TP53I11: variants seen among roughly 807,000 people sequenced by gnomAD.
TP53I11 encodes the protein tumor protein p53 inducible protein 11, also known as tumor protein p53-inducible protein 11.
A neutral mutation model predicts 23.3 loss-of-function variants in TP53I11; 9 were observed. That is an observed-to-expected ratio of 0.39 (90% CI 0.23 to 0.67). The LOEUF (loss-of-function observed/expected upper bound fraction) is 0.67. Ranked by LOEUF, TP53I11 falls within the 30% of genes least tolerant of loss-of-function variation. The pLI, the probability that TP53I11 is intolerant of heterozygous loss-of-function variation, is 0.48. For missense variants in TP53I11, 170 were observed against 255.2 expected (o/e 0.67, Z 2.27); for synonymous variants, 100 against 106.1 (o/e 0.94, Z 0.35).
chr11:44,936,880 T>C lies in TP53I11; in HGVS notation c.257A>G (p.Gln86Arg), dbSNP rs1406917297. 1.9e-6 allele frequency: 3 copies of C among 1,608,014 alleles called. No homozygotes were observed. Among genetic ancestry groups the C allele is most frequent in the East Asian group, 2.2e-5 (1 of 44,654 alleles). Reference sequence around the variant, plus strand: ...TCCATCAAAGACCGCATCATAGAGCTGGTCAGGGAAGGCAAGCGCCTGCGG... The same window carrying C: ...TCCATCAAAGACCGCATCATAGAGCCGGTCAGGGAAGGCAAGCGCCTGCGG... ...IAIMALAFPD[Q>R]LYDAVFDGAQ... Residue 86 changes from glutamine to arginine, a missense_variant, in exon 5 of 7, where the codon CAG becomes CGG. Transcript: ENST00000525680. The surrounding 1 kb of genome is among the most constrained non-coding windows in gnomAD (Gnocchi z 4.4).
chr11:44,936,122 G>C lies in TP53I11; in HGVS notation c.335-460C>G, dbSNP rs778397610. 29 of 730,102 alleles carry C rather than the reference G, an allele frequency of 4.0e-5. No individual in the cohort carries two copies. Among genetic ancestry groups the C allele is most frequent in the Non-Finnish European group, 4.8e-5 (28 of 588,974 alleles). 45.2% of individuals were successfully genotyped at this position (730,102 alleles called of 1,614,324 possible). On this transcript the variant is annotated intron_variant, in intron 5 of 6. Coordinates refer to ENST00000525680, the MANE Select transcript of TP53I11 (RefSeq NM_006034.5). The surrounding 1 kb of genome is among the most constrained non-coding windows in gnomAD (Gnocchi z 4.4). ...GACTCGCTTTAAGGAAGTCCCCTGG[G>C]GGAGGGGGATGAACCATACTTTTTA...
intron 1 of TP53I11, among the ~76,000 whole-genome samples, chr11:44,942,526 A>G (rs1283284584): frequency 3.3e-5 from 5 of 152,118 alleles, no homozygotes; most frequent in Admixed American, 3.3e-4. Context: ...CTGCAAATCA[A>G]CGGCTGTGGG....
intron 2 of TP53I11, 108 bp from the exon 3 acceptor site, chr11:44,937,721 C>T: frequency 8.4e-7 from 1 of 1,195,394 alleles, no homozygotes; most frequent in East Asian, 2.5e-5. Flanking sequence ...CTGGGCACCT[C>T]AGCTTGGCCA....
Position 44,936,114 on chromosome 11 carries a change from TC to T in TP53I11, c.335-453del. 1.5e-6 allele frequency: 1 copy of T among 664,792 alleles called. No homozygotes were observed. The highest frequency in any genetic ancestry group is 1.9e-6 in the Non-Finnish European group (1 of 529,590). 41.2% of individuals were successfully genotyped at this position (664,792 alleles called of 1,614,324 possible). A position where few individuals can be genotyped will look rare whatever the true frequency, so the allele number is the denominator to read the frequency against. ...CCGGTAAGGACTCGCTTTAAGGAAG[TC>T]CCCTGGGGGAGGGGGATGAACCATA... is the stretch of plus-strand genomic sequence containing the variant. On this transcript the variant is annotated intron_variant, in intron 5 of 6. Coordinates refer to ENST00000525680, the MANE Select transcript of TP53I11 (RefSeq NM_006034.5). The surrounding 1 kb of genome is among the most constrained non-coding windows in gnomAD (Gnocchi z 4.4).
In TP53I11 at chr11:44,937,362, G is replaced by A. The variant is rs368782324; in HGVS notation, c.189-10C>T. 135 of 1,473,838 alleles carry A rather than the reference G, an allele frequency of 9.2e-5. No individual in the cohort carries two copies. The highest frequency in any genetic ancestry group is 6.4e-4 in the Admixed American group (25 of 39,050). The allele number at this position is 1,473,838 out of a possible 1,614,324, so 91.3% of individuals were successfully genotyped here. ...GACGAACTGCCAGACCCTGGGAGGC[G>A]TGGAAAGAAGATCACAGCCCTGCCC... On this transcript the variant is annotated splice_polypyrimidine_tract_variant and intron_variant, in intron 3 of 6. Coordinates refer to ENST00000525680, the MANE Select transcript of TP53I11 (RefSeq NM_006034.5).
chr11:44,937,047 C>T (rs1468119009), intron 4 of TP53I11, 148 bp from the exon 5 acceptor site: 4 of 738,998 alleles, frequency 5.4e-6, no homozygotes, highest in African/African-American at 3.6e-5. Context: ...ATTGTCCCCA[C>T]CCGCCCCCAT....
chr11:44,937,489 G>A (rs1861279168), intron 3 of TP53I11, 66 bp downstream of exon 3: 1 of 1,585,578 alleles, frequency 6.3e-7, no homozygotes, highest in African/African-American at 1.3e-5. Context: ...ATGAGGTGAG[G>A]TCTTATGCAT....
rs1355326487 is a variant in TP53I11 at position 44,933,832 on chromosome 11, G to C, written c.*1052C>G. ...GAGGCAGCCCGGGCTGCACGTGTGG[G>C]GGGCAGCTCACCGGGAAGCAGGCAG... On this transcript the variant is annotated 3_prime_UTR_variant, in exon 7 of 7. Transcript: ENST00000525680. The C allele has an allele frequency of 6.5e-6, 1 of 154,666 alleles. No individual in the cohort carries two copies. The highest frequency in any genetic ancestry group is 1.4e-5 in the Non-Finnish European group (1 of 69,614). 9.6% of individuals were successfully genotyped at this position (154,666 alleles called of 1,614,324 possible).
intron 2 of TP53I11, 88 bp downstream of exon 2, chr11:44,938,119 T>C: frequency 6.8e-7 from 1 of 1,461,840 alleles, no homozygotes; most frequent in South Asian, 1.4e-5. Flanking sequence ...CTCCTGCGGC[T>C]ACCTGGGCCT....
chr11:44,937,232 C>G lies in TP53I11; in HGVS notation c.237+72G>C, dbSNP rs571770026. 1.8e-5 allele frequency: 27 copies of G among 1,536,950 alleles called. No individual in the cohort carries two copies. The African/African-American group carries it at 3.7e-4, about 21-fold the overall frequency. ...CGAGGGGCCAGGATGGAGGAGGCACCTCTGGTGAGCCAGAGAAGGGCTGAG... is the reference window on the plus strand; with the variant it reads ...CGAGGGGCCAGGATGGAGGAGGCACGTCTGGTGAGCCAGAGAAGGGCTGAG... On this transcript the variant is annotated intron_variant, in intron 4 of 6. Transcript: ENST00000525680.
intron 3 of TP53I11, 29 bp downstream of exon 3, chr11:44,937,526 C>T: frequency 1.9e-6 from 3 of 1,612,666 alleles, no homozygotes; most frequent in Non-Finnish European, 2.5e-6. Flanking sequence ...AGGCCTTCCC[C>T]TCCCCCAAAA....
intron 1 of TP53I11, among the ~76,000 whole-genome samples, chr11:44,940,145 C>T (rs994133774): frequency 6.6e-6 from 1 of 152,252 alleles, no homozygotes; most frequent in African/African-American, 2.4e-5. Flanking sequence ...CGTGGCCAGG[C>T]GAGGCTGCCC....
chr11:44,940,676 T>C (rs1241723217), intron 1 of TP53I11: 1 of 152,200 alleles, frequency 6.6e-6, no homozygotes, highest in African/African-American at 2.4e-5. Flanking sequence ...GTGGGTTGTT[T>C]CCAGTTGTTG....
At chr11:44,939,368 T>C (rs1861525517) in intron 1 of TP53I11, 1 of 152,126 alleles carries the variant, frequency 6.6e-6, no homozygotes, top group Non-Finnish European at 1.5e-5. Context: ...TGAATAACGG[T>C]CGTGCCACTT....
At chr11:44,947,631 A>G (rs1190094250) in intron 1 of TP53I11, among the ~76,000 whole-genome samples, 2 of 152,200 alleles carry the variant, frequency 1.3e-5, no homozygotes, top group African/African-American at 2.4e-5. Flanking sequence ...GGCCACAACC[A>G]TAGTCCAGGA....
rs1861070975 is a variant in TP53I11, at chr11:44,936,007, C to CATG, written c.335-348_335-346dup. 2.8e-6 allele frequency: 1 copy of CATG among 362,646 alleles called. No individual in the cohort carries two copies. The highest frequency in any genetic ancestry group is 4.4e-5 in the Admixed American group (1 of 22,954). The allele number at this position is 362,646 out of a possible 1,614,324, so 22.5% of individuals were successfully genotyped here. A position where few individuals can be genotyped will look rare whatever the true frequency, so the allele number is the denominator to read the frequency against. On this transcript the variant is annotated intron_variant, in intron 5 of 6. Coordinates refer to ENST00000525680, the MANE Select transcript of TP53I11 (RefSeq NM_006034.5). The surrounding 1 kb of genome is among the most constrained non-coding windows in gnomAD (Gnocchi z 4.4). ...GGTTCTGTCAGGAGGATGCTGTGTTCATGGAGTTCATGAGTTAATGGGTTA... is the reference window on the plus strand; with the variant it reads ...GGTTCTGTCAGGAGGATGCTGTGTTCATGATGGAGTTCATGAGTTAATGGGTTA...
At chr11:44,945,401 T>C (rs1252755972) in intron 1 of TP53I11, among the ~76,000 whole-genome samples, 1 of 152,080 alleles carries the variant, frequency 6.6e-6, no homozygotes, top group Non-Finnish European at 1.5e-5. Flanking sequence ...TTGAGGTAAG[T>C]GGCAGAGCTG....
At chr11:44,939,705 G>C (rs1479729699) in intron 1 of TP53I11, among the ~76,000 whole-genome samples, 1 of 149,514 alleles carries the variant, frequency 6.7e-6, no homozygotes, top group African/African-American at 2.5e-5. Flanking sequence ...GGATCAACTA[G>C]GGAGGCAGTA....
chr11:44,947,411 T>G (rs558330358), intron 1 of TP53I11, among the ~76,000 whole-genome samples: 1 of 151,994 alleles, frequency 6.6e-6, no homozygotes, highest in East Asian at 1.9e-4. Flanking sequence ...CACCCCACTC[T>G]CCCCATGCCC....
Sources: allele counts gnomAD v4.1 joint callset (sites outside exome capture counted in the v4.1 genomes callset), GRCh38; gene constraint gnomAD v4.1.1; non-coding constraint Gnocchi (gnomAD v3.1); transcripts MANE v1.5; gene names NCBI Gene and HGNC (gene_info 2026-07-23, HGNC 2026-07-21).